The following STMN4 variants were observed in gnomAD, a reference collection of about 807,000 sequenced individuals.
STMN4 encodes the protein stathmin-4.
STMN4 carries 12 observed loss-of-function variants against 29.1 expected under a neutral mutation model. That is an observed-to-expected ratio of 0.41 (90% CI 0.26 to 0.67). STMN4 has a LOEUF of 0.67. Among genes scored for constraint, STMN4 ranks in the 30% least tolerant of loss-of-function variants. STMN4 has a pLI of 0.30. For missense variants in STMN4, 181 were observed against 262.8 expected (o/e 0.69, Z 2.15); for synonymous variants, 114 against 105.3 (o/e 1.08, Z -0.51).
intron 1 of STMN4, among the ~76,000 whole-genome samples, chr8:27,251,202 G>A (rs543507503): frequency 6.6e-6 from 1 of 152,056 alleles, no homozygotes; most frequent in South Asian, 2.1e-4. Context: ...GCAGTGAGCT[G>A]AGATCATGCC....
chr8:27,241,845 G>A, intron 3 of STMN4, 88 bp from the exon 4 acceptor site: 2 of 1,502,516 alleles, frequency 1.3e-6, no homozygotes, highest in Non-Finnish European at 1.9e-6. Flanking sequence ...TTCTAACCAG[G>A]ACATTAGGAG....
At chr8:27,252,022 CGTT>C (rs1335975767) in intron 1 of STMN4, among the ~76,000 whole-genome samples, 5 of 151,472 alleles carry the variant, frequency 3.3e-5, no homozygotes, top group African/African-American at 1.2e-4. Context: ...CATGTGATCT[CGTT>C]GTTCAATTCC....
chr8:27,256,792 C>A (rs952547790), intron 1 of STMN4, among the ~76,000 whole-genome samples: 1 of 152,162 alleles, frequency 6.6e-6, no homozygotes, highest in African/African-American at 2.4e-5. Context: ...AAACACTAAC[C>A]TAGACCAATC....
intron 2 of STMN4, 151 bp from the exon 3 acceptor site, chr8:27,242,643 G>A (rs932683633): frequency 8.3e-6 from 6 of 727,132 alleles, no homozygotes; most frequent in Non-Finnish European, 4.6e-6. Context: ...CAGGCCTTTC[G>A]CCCTGAGCCG....
chr8:27,241,630 C>T (rs1182732729), intron 4 of STMN4, 47 bp downstream of exon 4: 8 of 1,610,130 alleles, frequency 5.0e-6, no homozygotes, highest in Non-Finnish European at 6.8e-6. Flanking sequence ...CGGCCACAGC[C>T]CATCTGACGC....
At position 27,243,561 on chromosome 8, in the gene STMN4, A is replaced by T. The variant is rs113514887; in HGVS notation, c.13+150T>A. The stretch of plus-strand genomic sequence containing the variant: ...TGGTGTGCCTCCCGCCACTGCCTGC[A>T]TGCCCCCAAGCCTCCCATCACTACC... On this transcript the variant is annotated intron_variant, in intron 2 of 6. Coordinates refer to ENST00000350889, the MANE Select transcript of STMN4 (RefSeq NM_030795.4). 7.7e-6 allele frequency: 6 copies of T among 781,340 alleles called. No individual in the cohort carries two copies. The African/African-American group carries it at 8.5e-5, about 11-fold the overall frequency. 48.4% of individuals were successfully genotyped at this position (781,340 alleles called of 1,614,324 possible).
chr8:27,252,119 G>C (rs1471427828), intron 1 of STMN4, among the ~76,000 whole-genome samples: 2 of 151,194 alleles, frequency 1.3e-5, no homozygotes, highest in Non-Finnish European at 2.9e-5. Flanking sequence ...TTTCATCCAT[G>C]TCCCTACAAA....
In STMN4 at chr8:27,241,072, C is replaced by T; in HGVS notation, c.381G>A (p.Ala127=). ...CATTTACCTTCCTTCGCTCCTCAGC[C>T]GCTTCTAGTTTCTTCTGGATCTCTT... is the stretch of plus-strand genomic sequence containing the variant. ...SLEEIQKKLE[A]AEERRKYQEA... The change falls in exon 5 of 7, where the codon GCG becomes GCA. Residue 127 remains alanine (A), a synonymous_variant. Coordinates refer to ENST00000350889, the MANE Select transcript of STMN4 (RefSeq NM_030795.4). 5 of 1,613,706 alleles carry T rather than the reference C, an allele frequency of 3.1e-6. No homozygotes were observed. The highest frequency in any genetic ancestry group is 2.2e-5 in the East Asian group (1 of 44,872).
chr8:27,241,635 T>A, intron 4 of STMN4, 42 bp downstream of exon 4: 1 of 1,607,068 alleles, frequency 6.2e-7, no homozygotes, highest in Non-Finnish European at 8.5e-7. Flanking sequence ...ACAGCCCATC[T>A]GACGCTCGGC....
chr8:27,238,008 G>A (rs570095175), intron 6 of STMN4, among the ~76,000 whole-genome samples: 8 of 152,208 alleles, frequency 5.3e-5, no homozygotes, highest in African/African-American at 1.7e-4. Context: ...GTAGACCCAC[G>A]GAGGCCCCCA....
At chr8:27,252,062 T>C (rs1350099545) in intron 1 of STMN4, among the ~76,000 whole-genome samples, 2 of 151,802 alleles carry the variant, frequency 1.3e-5, no homozygotes, top group African/African-American at 4.9e-5. Flanking sequence ...TATGCAGTGT[T>C]TGGTTTTTTG....
chr8:27,240,716 C>G (rs1294473056), intron 5 of STMN4, among the ~76,000 whole-genome samples: 2 of 152,200 alleles, frequency 1.3e-5, no homozygotes, highest in Non-Finnish European at 2.9e-5. Context: ...TTCTCTCCCT[C>G]CTCCAACGAA....
rs1586004442 is a variant in STMN4, at chr8:27,240,044, G to A, written c.518C>T (p.Ala173Val). The change falls in exon 6 of 7, where the codon GCC (alanine) becomes GTC (valine). Residue 173 changes from alanine to valine, a missense_variant. By Grantham distance (64) the Ala-to-Val change is moderately conservative. Transcript: ENST00000350889. ...CTCCTTGTTGGATTCCATCTTCTGG[G>A]CCAGTTTTTCCTTAGCCATCTTGAT... ...NFIKMAKEKL[A>V]QKMESNKENR... is the part of the protein sequence containing the mutation. 1 of 1,614,186 alleles carries A rather than the reference G, an allele frequency of 6.2e-7. No homozygotes were observed.
intron 2 of STMN4, 146 bp downstream of exon 2, chr8:27,243,565 C>G (rs1801537974): frequency 1.2e-6 from 1 of 820,374 alleles, no homozygotes; most frequent in Non-Finnish European, 2.1e-6. Flanking sequence ...GCCTGCATGC[C>G]CCCAAGCCTC....
intron 1 of STMN4, among the ~76,000 whole-genome samples, chr8:27,246,564 T>G (rs536054823): frequency 1.3e-5 from 2 of 149,982 alleles, no homozygotes; most frequent in South Asian, 4.3e-4. Flanking sequence ...TGAGCTTATT[T>G]GGAAAGAAGG....
At chr8:27,238,014 C>A (rs1545362) in intron 6 of STMN4, among the ~76,000 whole-genome samples, 143,878 of 152,146 alleles carry the variant, frequency 0.95, 68,308 homozygotes, top group Non-Finnish European at 0.98. Flanking sequence ...CCACGGAGGC[C>A]CCCAGGTTTT....
intron 1 of STMN4, among the ~76,000 whole-genome samples, chr8:27,246,007 G>C (rs971647981): frequency 6.6e-6 from 1 of 152,152 alleles, no homozygotes; most frequent in Non-Finnish European, 1.5e-5. Context: ...AGGTCACACA[G>C]CTCTAAGGGT....
At chr8:27,243,608 T>G in intron 2 of STMN4, 103 bp downstream of exon 2, 1 of 1,262,772 alleles carries the variant, frequency 7.9e-7, no homozygotes, top group African/African-American at 1.5e-5. Context: ...ACACACCCCG[T>G]GTGCTTCCTG....
At position 27,236,738 on chromosome 8, in the gene STMN4, TC is replaced by T; in HGVS notation, c.*107del. 1.0e-5 allele frequency: 4 copies of T among 399,930 alleles called. No individual in the cohort carries two copies. Among genetic ancestry groups the T allele is most frequent in the Non-Finnish European group, 1.3e-5 (3 of 234,922 alleles). 24.8% of individuals were successfully genotyped at this position (399,930 alleles called of 1,614,324 possible). ...AGGAAACGCCCCTTGGCCACCCCCC[TC>T]CCCCCAAACCCCAGTGCTGGGAGCG... On this transcript the variant is annotated 3_prime_UTR_variant, in exon 7 of 7. Coordinates refer to ENST00000350889, the MANE Select transcript of STMN4 (RefSeq NM_030795.4).
Sources: gnomAD v4.1 joint callset for allele counts (sites outside exome capture counted in the v4.1 genomes callset) on GRCh38, gnomAD v4.1.1 for gene constraint, MANE v1.5 for transcripts, NCBI Gene and HGNC (gene_info 2026-07-23, HGNC 2026-07-21) for gene names.